The following EXPH5 variants were observed in gnomAD, a reference collection of about 807,000 sequenced individuals.
EXPH5 encodes the protein exophilin 5.
EXPH5 carries 42 observed loss-of-function variants against 41.1 expected under a neutral mutation model. That is an observed-to-expected ratio of 1.02 (90% CI 0.80 to 1.32). The LOEUF is 1.32. EXPH5 is among the 40% of genes most tolerant of loss of function. The probability of loss-of-function intolerance (pLI) is 0.00; values close to 1 mark genes in which losing one functional copy is unlikely to be tolerated. For synonymous variants in EXPH5, 798 were observed against 833.5 expected (o/e 0.96, Z 0.73); for missense variants, 2,298 against 2,314.5 (o/e 0.99, Z 0.15).
intron 4 of EXPH5, among the ~76,000 whole-genome samples, chr11:108,520,228 T>C (rs538499309): frequency 1.1e-4 from 16 of 152,264 alleles, no homozygotes; most frequent in African/African-American, 3.8e-4. Context: ...GGGATCTAGG[T>C]TGTGCTTTCC....
At chr11:108,522,670 T>C (rs1283858408) in intron 4 of EXPH5, among the ~76,000 whole-genome samples, 2 of 152,162 alleles carry the variant, frequency 1.3e-5, no homozygotes, top group Non-Finnish European at 2.9e-5. Context: ...CTGAAGTTTC[T>C]TGTGACCTAG....
At chr11:108,598,683 C>T (rs1347781757), upstream of EXPH5, among the ~76,000 whole-genome samples, 1 of 151,920 alleles carries the variant, frequency 6.6e-6, no homozygotes, top group African/African-American at 2.4e-5. Flanking sequence ...AAGCGCTTTC[C>T]AAGCAGAGGC....
At chr11:108,560,634 T>C (rs958719514) in intron 1 of EXPH5, among the ~76,000 whole-genome samples, 1 of 152,244 alleles carries the variant, frequency 6.6e-6, no homozygotes, top group Non-Finnish European at 1.5e-5. Context: ...CAGAAGACCT[T>C]GTTAAGTTTT....
At chr11:108,567,874 C>A (rs1307429648) in intron 1 of EXPH5, 6 of 152,162 alleles carry the variant, frequency 3.9e-5, no homozygotes, top group African/African-American at 1.4e-4. Flanking sequence ...ATACCAAAGC[C>A]AAGCAGTCTT....
intron 1 of EXPH5, among the ~76,000 whole-genome samples, chr11:108,546,400 G>A (rs1311360287): frequency 6.6e-6 from 1 of 152,122 alleles, no homozygotes; most frequent in Non-Finnish European, 1.5e-5. Context: ...TGCTGGACCA[G>A]GATGGTAGTG....
chr11:108,530,493 A>T (rs2135991205), intron 3 of EXPH5, among the ~76,000 whole-genome samples: 1 of 152,360 alleles, frequency 6.6e-6, no homozygotes, highest in South Asian at 2.1e-4. Flanking sequence ...GAAGTGGTAC[A>T]AGAGGCTAAA....
Position 108,513,470 on chromosome 11 carries a change from T to C in EXPH5, c.2037A>G (p.Ser679=), listed in dbSNP as rs750057223. The C allele has an allele frequency of 9.0e-5, 146 of 1,613,642 alleles. 1 individual carries two copies. The Middle Eastern group carries it at 2.6e-3, about 29-fold the overall frequency. ...HTEVTVTSSN[S]VDSLPLAKSQ... is the part of the protein sequence containing the mutation. ...TTTTGGCAAGAGGCAGAGAGTCAAC[T>C]GAATTGCTGCTGGTCACAGTGACTT... The change falls in exon 6 of 6, where the codon TCA becomes TCG. Residue 679 remains serine, a synonymous_variant. Transcript: ENST00000265843.
At chr11:108,518,495 T>C in intron 4 of EXPH5, 122 bp from the exon 5 acceptor site, 1 of 840,844 alleles carries the variant, frequency 1.2e-6, no homozygotes, top group Non-Finnish European at 1.8e-6. Context: ...AATCCATTTT[T>C]CTAATATTTA....
Position 108,552,961 on chromosome 11 carries a change from C to T in EXPH5, c.120-11149G>A, listed in dbSNP as rs187762674. 1.5e-3 allele frequency among the ~76,000 whole-genome samples: 221 copies of T among 152,000 alleles called. 3 individuals are homozygous for T. Among genetic ancestry groups the T allele is most frequent in the Admixed American group, 0.013 (194 of 15,248 alleles). ...CTGTAATCCTAGCACTTTGGGAGAC[C>T]GAGGTGGGTGGATTACTTGAGGACA... is the stretch of plus-strand genomic sequence containing the variant. On this transcript the variant is annotated intron_variant, in intron 1 of 5. Coordinates refer to ENST00000265843, the MANE Select transcript of EXPH5 (RefSeq NM_015065.3).
At chr11:108,560,134 G>T (rs2094005502) in intron 1 of EXPH5, among the ~76,000 whole-genome samples, 1 of 152,176 alleles carries the variant, frequency 6.6e-6, no homozygotes, top group East Asian at 1.9e-4. Context: ...GAAATGCCTG[G>T]AGGTTTTCTA....
Position 108,505,800 on chromosome 11 carries a change from A to C in EXPH5, c.*3737T>G, listed in dbSNP as rs1005109173. Reference sequence around the variant, plus strand: ...AATTTTATGGGGCTATGAGTTTTACAGTTTGATTCCCATCTTTGCCATAAC... The same window carrying C: ...AATTTTATGGGGCTATGAGTTTTACCGTTTGATTCCCATCTTTGCCATAAC... On this transcript the variant is annotated 3_prime_UTR_variant, in exon 6 of 6. Transcript: ENST00000265843. The C allele has an allele frequency of 1.3e-5, 2 of 152,320 alleles. No individual in the cohort carries two copies. Among genetic ancestry groups the C allele is most frequent in the Non-Finnish European group, 2.9e-5 (2 of 68,020 alleles). 9.4% of individuals were successfully genotyped at this position (152,320 alleles called of 1,614,324 possible). A position where few individuals can be genotyped will look rare whatever the true frequency, so the allele number is the denominator to read the frequency against.
intron 4 of EXPH5, among the ~76,000 whole-genome samples, chr11:108,522,294 A>G (rs543364452): frequency 1.5e-3 from 227 of 152,158 alleles, no homozygotes; most frequent in Middle Eastern, 3.4e-3. Context: ...TATTTAAGCT[A>G]TGTGTGAGAT....
At chr11:108,562,368 G>C (rs1184574537) in intron 1 of EXPH5, among the ~76,000 whole-genome samples, 3 of 150,902 alleles carry the variant, frequency 2.0e-5, no homozygotes, top group Non-Finnish European at 4.4e-5. Flanking sequence ...CGAGGTGGTG[G>C]ATCACTTGAG....
chr11:108,518,412 C>A, intron 4 of EXPH5, 39 bp from the exon 5 acceptor site: 1 of 1,599,164 alleles, frequency 6.3e-7, no homozygotes, highest in South Asian at 1.1e-5. Flanking sequence ...ATTTCTGAGC[C>A]TTCACCAGTC....
At chr11:108,572,711 A>C (rs1270440637) in intron 1 of EXPH5, among the ~76,000 whole-genome samples, 1 of 152,058 alleles carries the variant, frequency 6.6e-6, no homozygotes, top group African/African-American at 2.4e-5. Flanking sequence ...GGCACCTGCC[A>C]CCATGCCCAG....
intron 1 of EXPH5, among the ~76,000 whole-genome samples, chr11:108,592,175 G>T (rs1431239842): frequency 6.6e-6 from 1 of 152,138 alleles, no homozygotes; most frequent in African/African-American, 2.4e-5. Context: ...TTCAGGGGAG[G>T]GGAATGATAA....
chr11:108,595,973 G>A (rs1399228305), upstream of EXPH5, among the ~76,000 whole-genome samples: 2 of 151,962 alleles, frequency 1.3e-5, no homozygotes, highest in African/African-American at 2.4e-5. Context: ...AGGCGGAGGC[G>A]GGCAGATCAC....
In EXPH5 at chr11:108,511,806, G is replaced by A. The variant is rs772673755; in HGVS notation, c.3701C>T (p.Thr1234Met). 22 of 1,607,726 alleles carry A rather than the reference G, an allele frequency of 1.4e-5. No homozygotes were observed. The highest frequency in any genetic ancestry group is 5.6e-5 in the South Asian group (5 of 89,490). Residue 1234 changes from threonine to methionine, a missense_variant, in exon 6 of 6, where the codon ACG (threonine) becomes ATG (methionine). Physicochemically the swap from Thr to Met is moderately conservative, Grantham distance 81. Coordinates refer to ENST00000265843, the MANE Select transcript of EXPH5 (RefSeq NM_015065.3). ...ATCTTCATCACCAGAAACAGAAAAC[G>A]TACTAGTCGTCTTAACTTTATGTAA... is the stretch of plus-strand genomic sequence containing the variant. ...KTLHKVKTTS[T>M]FSVSGDEDNV...
At chr11:108,536,222 T>C (rs765427946) in intron 3 of EXPH5, among the ~76,000 whole-genome samples, 9 of 152,066 alleles carry the variant, frequency 5.9e-5, no homozygotes, top group Non-Finnish European at 1.3e-4. Context: ...TTGGGAAGTG[T>C]ATATGTTTGA....
Sources: allele counts gnomAD v4.1 joint callset (sites outside exome capture counted in the v4.1 genomes callset), GRCh38; gene constraint gnomAD v4.1.1; transcripts MANE v1.5; gene names NCBI Gene and HGNC (gene_info 2026-07-23, HGNC 2026-07-21).